TRIM44: variants seen among roughly 807,000 people sequenced by gnomAD.
TRIM44 encodes the protein tripartite motif containing 44.
TRIM44 carries 13 observed loss-of-function variants against 37.4 expected under a neutral mutation model. The observed-to-expected ratio is 0.35, with a 90% confidence interval of 0.23 to 0.55. The LOEUF (loss-of-function observed/expected upper bound fraction) is 0.55, where lower values mean the gene tolerates loss of function less well. TRIM44 is among the 20% of genes least tolerant of loss of function. The probability of loss-of-function intolerance (pLI) is 0.89; values close to 1 mark genes in which losing one functional copy is unlikely to be tolerated. For missense variants in TRIM44, 426 were observed against 437.2 expected (o/e 0.97, Z 0.23); for synonymous variants, 175 against 157.2 (o/e 1.11, Z -0.85).
chr11:35,799,597 G>C (rs1853339407), intron 4 of TRIM44, among the ~76,000 whole-genome samples: 1 of 152,140 alleles, frequency 6.6e-6, no homozygotes, highest in South Asian at 2.1e-4. Context: ...TCTTACCCAA[G>C]TTCAGTTCAT....
intron 3 of TRIM44, among the ~76,000 whole-genome samples, chr11:35,729,478 T>C (rs1245382227): frequency 6.6e-6 from 1 of 152,136 alleles, no homozygotes; most frequent in East Asian, 1.9e-4. Context: ...CTCTTCGTTT[T>C]GGAGACTGTA....
chr11:35,808,753 C>T lies in TRIM44; in HGVS notation c.*2368C>T, dbSNP rs1191001076. Reference sequence around the variant, plus strand: ...AACCAGGGAAGCATTAAACACAGTGCAGCAGCTTTTGCCCAGGCTTCTAAG... The same window carrying T: ...AACCAGGGAAGCATTAAACACAGTGTAGCAGCTTTTGCCCAGGCTTCTAAG... On this transcript the variant is annotated 3_prime_UTR_variant, in exon 5 of 5. Coordinates refer to ENST00000299413, the MANE Select transcript of TRIM44 (RefSeq NM_017583.6). 6.6e-6 allele frequency: 1 copy of T among 152,234 alleles called. No homozygotes were observed. The highest frequency in any genetic ancestry group is 1.5e-5 in the Non-Finnish European group (1 of 68,040). 9.4% of individuals were successfully genotyped at this position (152,234 alleles called of 1,614,324 possible). A position where few individuals can be genotyped will look rare whatever the true frequency, so the allele number is the denominator to read the frequency against.
chr11:35,672,326 T>A (rs1851403741), intron 1 of TRIM44, among the ~76,000 whole-genome samples: 1 of 152,112 alleles, frequency 6.6e-6, no homozygotes, highest in South Asian at 2.1e-4. Context: ...TTAAAAAAAA[T>A]TCTAGACACT....
chr11:35,696,620 G>C (rs1223643975), intron 2 of TRIM44, among the ~76,000 whole-genome samples: 2 of 151,366 alleles, frequency 1.3e-5, no homozygotes, highest in East Asian at 4.0e-4. Flanking sequence ...AGGCCGAGGC[G>C]GGTGGATCAC....
chr11:35,674,235 C>CGTGTGTGTGT (rs113167193), intron 1 of TRIM44, among the ~76,000 whole-genome samples: 2,707 of 149,974 alleles, frequency 0.018, 47 homozygotes, highest in East Asian at 0.089. Flanking sequence ...AGAGAATTTG[C>CGTGTGTGTGT]GTGTGTGTGT....
chr11:35,697,699 C>T (rs1851723561), intron 2 of TRIM44, among the ~76,000 whole-genome samples: 2 of 151,624 alleles, frequency 1.3e-5, no homozygotes, highest in South Asian at 4.2e-4. Flanking sequence ...TGAGAATATG[C>T]GGTGTTTGGT....
At chr11:35,783,953 G>A (rs541606434) in intron 4 of TRIM44, among the ~76,000 whole-genome samples, 1 of 152,330 alleles carries the variant, frequency 6.6e-6, no homozygotes, top group South Asian at 2.1e-4. Context: ...GGTTGCAGAT[G>A]TACTTGGTGG....
At chr11:35,705,116 T>C (rs1346944703) in intron 2 of TRIM44, among the ~76,000 whole-genome samples, 22 of 148,226 alleles carry the variant, frequency 1.5e-4, no homozygotes, top group African/African-American at 4.8e-4. Flanking sequence ...GCAATCCTAG[T>C]CTCTGATAAA....
chr11:35,741,903 A>G (rs902970110), intron 4 of TRIM44, among the ~76,000 whole-genome samples: 7 of 152,136 alleles, frequency 4.6e-5, no homozygotes, highest in Non-Finnish European at 1.0e-4. Flanking sequence ...AAAGAGAGCT[A>G]AATAAACCAT....
intron 4 of TRIM44, among the ~76,000 whole-genome samples, chr11:35,759,805 A>G (rs1852697760): frequency 6.6e-6 from 1 of 152,200 alleles, no homozygotes; most frequent in Admixed American, 6.5e-5. Context: ...AGCCTGCAGA[A>G]CAGCATATAT....
chr11:35,715,416 G>GTT (rs1199387038), intron 2 of TRIM44, among the ~76,000 whole-genome samples: 2 of 151,728 alleles, frequency 1.3e-5, no homozygotes, highest in African/African-American at 4.9e-5. Context: ...GTGTGTGTGT[G>GTT]TGTGTGTGTG....
intron 4 of TRIM44, among the ~76,000 whole-genome samples, chr11:35,787,602 ATCT>A (rs1478765246): frequency 1.3e-5 from 2 of 152,186 alleles, no homozygotes; most frequent in Non-Finnish European, 2.9e-5. Flanking sequence ...CCTTTTACAA[ATCT>A]TCTTAGACAC....
Position 35,773,332 on chromosome 11 carries a change from C to G in TRIM44, c.1008-33026C>G, listed in dbSNP as rs143761934. ...TTTGGCCCACTTTTTCATGGAGTTA[C>G]TTGTTCTTTGCTTGTTGAATTGTTC... On this transcript the variant is annotated intron_variant, in intron 4 of 4. Coordinates refer to ENST00000299413, the MANE Select transcript of TRIM44 (RefSeq NM_017583.6). Among the ~76,000 whole-genome samples the G allele has an allele frequency of 2.7e-4, 41 of 151,918 alleles. 1 individual carries two copies. The highest frequency in any genetic ancestry group is 6.8e-3 in the Middle Eastern group (2 of 294).
At chr11:35,757,172 A>G (rs1409802479) in intron 4 of TRIM44, among the ~76,000 whole-genome samples, 1 of 152,180 alleles carries the variant, frequency 6.6e-6, no homozygotes, top group Non-Finnish European at 1.5e-5. Flanking sequence ...TATTGCCTCA[A>G]TTTTAGAGCT....
At chr11:35,704,857 T>C (rs574081437) in intron 2 of TRIM44, among the ~76,000 whole-genome samples, 3,025 of 151,992 alleles carry the variant, frequency 0.02, 118 homozygotes, top group African/African-American at 0.07. Context: ...CATCAACTAA[T>C]GAGCAAAATA....
intron 2 of TRIM44, among the ~76,000 whole-genome samples, chr11:35,702,852 A>G (rs1000395387): frequency 6.6e-6 from 1 of 152,246 alleles, no homozygotes; most frequent in Non-Finnish European, 1.5e-5. Context: ...TGATTTCTGC[A>G]TTTCCATCAG....
chr11:35,716,774 G>C (rs1852043917), intron 2 of TRIM44, among the ~76,000 whole-genome samples: 1 of 152,194 alleles, frequency 6.6e-6, no homozygotes, highest in South Asian at 2.1e-4. Context: ...ATCTGTAGGA[G>C]AATAATGTTG....
At chr11:35,789,232 A>G (rs1853169966) in intron 4 of TRIM44, among the ~76,000 whole-genome samples, 1 of 152,148 alleles carries the variant, frequency 6.6e-6, no homozygotes, top group Admixed American at 6.5e-5. Context: ...ACCTCATGCT[A>G]ACTTCTCATG....
At chr11:35,673,454 A>G (rs1287895547) in intron 1 of TRIM44, among the ~76,000 whole-genome samples, 1 of 152,220 alleles carries the variant, frequency 6.6e-6, no homozygotes, top group African/African-American at 2.4e-5. Context: ...TGTTCTAGCA[A>G]TTGAATGTGT....
Sources: gnomAD v4.1 joint callset for allele counts (sites outside exome capture counted in the v4.1 genomes callset) on GRCh38, gnomAD v4.1.1 for gene constraint, MANE v1.5 for transcripts, NCBI Gene and HGNC (gene_info 2026-07-23, HGNC 2026-07-21) for gene names.